The following SLC4A8 variants were observed in gnomAD, a reference collection of about 807,000 sequenced individuals.
SLC4A8 encodes solute carrier family 4 member 8, also known as electroneutral sodium bicarbonate exchanger 1.
A neutral mutation model predicts 125.0 loss-of-function variants in SLC4A8; 40 were observed. The observed-to-expected ratio is 0.32, with a 90% CI of 0.25 to 0.42. The LOEUF (loss-of-function observed/expected upper bound fraction) is 0.42, where lower values mean the gene tolerates loss of function less well. SLC4A8 is among the 10% of genes least tolerant of loss of function. SLC4A8 has a pLI of 1.00. For missense variants in SLC4A8, 863 were observed against 1,355.1 expected (o/e 0.64, Z 5.70); for synonymous variants, 456 against 476.0 (o/e 0.96, Z 0.55).
At chr12:51,491,277 G>A (rs1951310472) in intron 19 of SLC4A8, among the ~76,000 whole-genome samples, 1 of 152,128 alleles carries the variant, frequency 6.6e-6, no homozygotes, top group African/African-American at 2.4e-5. Context: ...AGGTGGTATT[G>A]AAAGCCGAGG....
chr12:51,419,710 T>A (rs145490041), intron 1 of SLC4A8, among the ~76,000 whole-genome samples: 160 of 152,302 alleles, frequency 1.1e-3, no homozygotes, highest in Non-Finnish European at 2.0e-3. Context: ...TTCCCCTACC[T>A]CTGCCTCTGT....
chr12:51,489,655 T>C (rs375561765), intron 18 of SLC4A8, 45 bp from the exon 19 acceptor site: 22 of 1,610,440 alleles, frequency 1.4e-5, no homozygotes, highest in East Asian at 2.2e-5. Flanking sequence ...TATGCCCTAC[T>C]ACAGCTAGCC....
At chr12:51,440,607 G>A in intron 1 of SLC4A8, 101 bp from the exon 2 acceptor site, 2 of 816,246 alleles carry the variant, frequency 2.5e-6, no homozygotes, top group Admixed American at 5.6e-5. Flanking sequence ...AAACAATTGT[G>A]TTTCCCCCGT....
chr12:51,503,869 GTC>G (rs1169835187), intron 22 of SLC4A8, among the ~76,000 whole-genome samples, 158 bp from the exon 23 acceptor site: 3 of 151,042 alleles, frequency 2.0e-5, no homozygotes, highest in Non-Finnish European at 4.5e-5. Context: ...ATATCTGGTT[GTC>G]TCTCATTTTG....
chr12:51,444,097 A>G (rs1341572525), intron 2 of SLC4A8, among the ~76,000 whole-genome samples: 1 of 152,210 alleles, frequency 6.6e-6, no homozygotes, highest in East Asian at 1.9e-4. Flanking sequence ...GACGAGTTAG[A>G]TGGGAAAAAA....
In SLC4A8 at chr12:51,514,675, A is replaced by G. The variant is rs1356310543; in HGVS notation, c.*7237A>G. The G allele has an allele frequency of 2.0e-5, 3 of 152,184 alleles. No individual in the cohort carries two copies. Among genetic ancestry groups the G allele is most frequent in the Non-Finnish European group, 2.9e-5 (2 of 68,036 alleles). The allele number at this position is 152,184 out of a possible 1,614,324, so 9.4% of individuals were successfully genotyped here. On this transcript the variant is annotated 3_prime_UTR_variant, in exon 25 of 25. Coordinates refer to ENST00000453097, the MANE Select transcript of SLC4A8 (RefSeq NM_001039960.3). ...AAGCACATCTCAAAGCCAAATAGAA[A>G]TGATTTTCTACTAAGCCTATCCTTT...
intron 2 of SLC4A8, chr12:51,441,225 GTT>G (rs1949584620): frequency 2.0e-6 from 2 of 981,504 alleles, no homozygotes. Context: ...AATATTTACT[GTT>G]TCTATTCTAT....
At chr12:51,496,043 TTCTAATCC>T (rs1224495266) in intron 21 of SLC4A8, among the ~76,000 whole-genome samples, 1 of 152,066 alleles carries the variant, frequency 6.6e-6, no homozygotes, top group Non-Finnish European at 1.5e-5. Flanking sequence ...TTTAATTTTT[TTCTAATCC>T]TCTAGATCCA....
Position 51,513,744 on chromosome 12 carries a change from C to A in SLC4A8, c.*6306C>A, listed in dbSNP as rs764754314. ...CTGGGATTACAGGCTTGAGCTACTG[C>A]GCCCGGCCAGTGATTGGCTTTTAAA... On this transcript the variant is annotated 3_prime_UTR_variant, in exon 25 of 25. Transcript: ENST00000453097. The A allele has an allele frequency of 8.5e-5, 13 of 152,266 alleles. No individual in the cohort carries two copies. Among genetic ancestry groups the A allele is most frequent in the Admixed American group, 2.0e-4 (3 of 15,284 alleles). The allele number at this position is 152,266 out of a possible 1,614,324, so 9.4% of individuals were successfully genotyped here.
chr12:51,458,804 A>C (rs1391449887), intron 7 of SLC4A8, among the ~76,000 whole-genome samples, 154 bp downstream of exon 7: 1 of 152,202 alleles, frequency 6.6e-6, no homozygotes, highest in South Asian at 2.1e-4. Flanking sequence ...CCATCTCTGC[A>C]TGTCTTTTCC....
intron 3 of SLC4A8, among the ~76,000 whole-genome samples, chr12:51,451,903 C>T (rs1949986522): frequency 6.6e-6 from 1 of 152,064 alleles, no homozygotes; most frequent in Non-Finnish European, 1.5e-5. Flanking sequence ...ATCAGTTTTC[C>T]AGTTTCTCGT....
chr12:51,463,600 TCTTCTGTTAAAAGG>T lies in SLC4A8; in HGVS notation c.1249-13_1249del. On this transcript the variant is annotated splice_acceptor_variant and splice_polypyrimidine_tract_variant and coding_sequence_variant and intron_variant, in exon 11 of 25. Transcript: ENST00000453097. LOFTEE classifies it high-confidence loss of function. ...GATGTTACCTTTACTAATTTTGTGG[TCTTCTGTTAAAAGG>T]AGAAAAGGAAAATGCCTGGAGTTCC... 1 of 1,590,318 alleles carries T rather than the reference TCTTCTGTTAAAAGG, an allele frequency of 6.3e-7. No homozygotes were observed. Among genetic ancestry groups the T allele is most frequent in the South Asian group, 1.1e-5 (1 of 90,574 alleles).
chr12:51,406,854 A>T (rs528684844), intron 1 of SLC4A8, among the ~76,000 whole-genome samples: 1 of 152,364 alleles, frequency 6.6e-6, no homozygotes, highest in Non-Finnish European at 1.5e-5. Context: ...ACTGCAGCTA[A>T]TGAGGAGGAG....
chr12:51,407,406 T>C (rs1948508835), intron 1 of SLC4A8, among the ~76,000 whole-genome samples: 1 of 151,802 alleles, frequency 6.6e-6, no homozygotes, highest in Admixed American at 6.6e-5. Flanking sequence ...CAGGCATGCA[T>C]CACCATACCT....
Position 51,450,982 on chromosome 12 carries a change from A to G in SLC4A8, c.237A>G (p.Gly79=). 1.3e-6 allele frequency: 2 copies of G among 1,574,468 alleles called. No homozygotes were observed. Among genetic ancestry groups the G allele is most frequent in the Non-Finnish European group, 1.7e-6 (2 of 1,158,174 alleles). The part of the protein sequence containing the change: ...QKHRRRGRGK[G]ASQGEEGLEA... Reference sequence around the variant, plus strand: ...ACCGGAGACGAGGGCGGGGCAAAGGAGCCAGCCAGGGGGAGGAAGGCCTGG... The same window carrying G: ...ACCGGAGACGAGGGCGGGGCAAAGGGGCCAGCCAGGGGGAGGAAGGCCTGG... The change falls in exon 3 of 25, where the codon GGA becomes GGG. Residue 79 remains glycine (G), a synonymous_variant. Transcript: ENST00000453097.
At chr12:51,391,725 C>G (rs1024187597) in intron 1 of SLC4A8, 19 of 152,244 alleles carry the variant, frequency 1.2e-4, no homozygotes, top group African/African-American at 4.1e-4. Flanking sequence ...CCGCCCCGCC[C>G]CTCCCTGGCC....
intron 22 of SLC4A8, among the ~76,000 whole-genome samples, chr12:51,503,032 G>T (rs981546033): frequency 6.7e-6 from 1 of 150,310 alleles, no homozygotes; most frequent in East Asian, 2.0e-4. Context: ...TAGTAGAGAC[G>T]GGGGTTTCAC....
intron 1 of SLC4A8, among the ~76,000 whole-genome samples, chr12:51,408,961 C>T (rs770386955): frequency 8.6e-5 from 13 of 151,914 alleles, no homozygotes; most frequent in Non-Finnish European, 1.6e-4. Context: ...TTAAAAAAAC[C>T]CTGTTCATAA....
intron 16 of SLC4A8, among the ~76,000 whole-genome samples, chr12:51,477,469 G>T (rs927970363): frequency 6.6e-6 from 1 of 152,192 alleles, no homozygotes; most frequent in African/African-American, 2.4e-5. Context: ...GTGCTGTCAA[G>T]AATTCACTTG....
Sources: allele counts gnomAD v4.1 joint callset (sites outside exome capture counted in the v4.1 genomes callset), GRCh38; gene constraint gnomAD v4.1.1; transcripts MANE v1.5; gene names NCBI Gene and HGNC (gene_info 2026-07-23, HGNC 2026-07-21).